The following RGS7 variants were observed in gnomAD, a reference collection of about 807,000 sequenced individuals.
The protein encoded by RGS7 is regulator of G-protein signaling 7.
Under a neutral mutation model 81.1 loss-of-function variants are expected in RGS7, and 27 were observed. The ratio of observed to expected loss-of-function variants is 0.33; its 90% confidence interval spans 0.25 to 0.46. The LOEUF (loss-of-function observed/expected upper bound fraction) is 0.46, where lower values mean the gene tolerates loss of function less well. Among genes scored for constraint, RGS7 ranks in the 20% least tolerant of loss-of-function variants. RGS7 has a pLI of 1.00. For synonymous variants in RGS7, 208 were observed against 207.7 expected, an observed-to-expected ratio of 1.00 and a Z score of -0.01; for missense variants, 396 against 607.4, an observed-to-expected ratio of 0.65 and a Z score of 3.66.
chr1:241,071,474 A>C (rs961294193), intron 3 of RGS7, among the ~76,000 whole-genome samples: 8 of 145,904 alleles, frequency 5.5e-5, no homozygotes, highest in African/African-American at 7.6e-5. Flanking sequence ...ATAAGTAAAA[A>C]TATGTCAGGC....
intron 3 of RGS7, among the ~76,000 whole-genome samples, chr1:241,041,344 G>A (rs2148768226): frequency 6.6e-6 from 1 of 151,994 alleles, no homozygotes; most frequent in South Asian, 2.1e-4. Flanking sequence ...CCATATTTTT[G>A]TCTTCCTTGT....
chr1:241,278,582 C>T (rs899699791), intron 2 of RGS7, among the ~76,000 whole-genome samples: 1 of 152,188 alleles, frequency 6.6e-6, no homozygotes, highest in African/African-American at 2.4e-5. Flanking sequence ...TCCTTCACCA[C>T]AGAGCTCACA....
chr1:240,845,883 G>A (rs1658986272), intron 9 of RGS7, among the ~76,000 whole-genome samples: 1 of 152,202 alleles, frequency 6.6e-6, no homozygotes, highest in African/African-American at 2.4e-5. Context: ...AAATTGACAA[G>A]CTTCTCGATA....
Position 241,292,730 on chromosome 1 carries a change from G to A in RGS7, c.78+62969C>T, listed in dbSNP as rs146284134. 1.7e-3 allele frequency among the ~76,000 whole-genome samples: 258 copies of A among 152,248 alleles called. 1 individual carries two copies. In the East Asian group the frequency reaches 0.019, roughly 11 times the overall value. On this transcript the variant is annotated intron_variant, in intron 2 of 18. Transcript: ENST00000440928. ...CTATGGCCAAGCAGCCTAATCTGTC[G>A]TGAACATTCCTCTTCCCCCCAAAAA...
At chr1:240,966,856 A>G (rs1010875091) in intron 4 of RGS7, among the ~76,000 whole-genome samples, 1 of 152,206 alleles carries the variant, frequency 6.6e-6, no homozygotes, top group African/African-American at 2.4e-5. Context: ...TATATTGTTA[A>G]GTAAAATATG....
intron 9 of RGS7, among the ~76,000 whole-genome samples, chr1:240,827,491 G>A (rs565403085): frequency 6.6e-6 from 1 of 152,324 alleles, no homozygotes; most frequent in Non-Finnish European, 1.5e-5. Flanking sequence ...GACAGACAGA[G>A]TGAGGGCACT....
chr1:241,046,193 G>A (rs1056818217), intron 3 of RGS7, among the ~76,000 whole-genome samples: 1 of 152,104 alleles, frequency 6.6e-6, no homozygotes, highest in Admixed American at 6.6e-5. Flanking sequence ...AGTAGTACAT[G>A]TGCAGGTTTG....
At chr1:241,180,141 G>A (rs540963292) in intron 2 of RGS7, among the ~76,000 whole-genome samples, 3 of 152,250 alleles carry the variant, frequency 2.0e-5, no homozygotes, top group African/African-American at 7.2e-5. Flanking sequence ...TTGGGAAGCC[G>A]AGGCAGGCGG....
intron 2 of RGS7, among the ~76,000 whole-genome samples, chr1:241,171,015 T>C (rs951544333): frequency 6.6e-6 from 1 of 152,152 alleles, no homozygotes; most frequent in Non-Finnish European, 1.5e-5. Flanking sequence ...GAGCTATCAG[T>C]CCTATAAACT....
At position 240,806,299 on chromosome 1, in the gene RGS7, T is replaced by C. The variant is rs138076318; in HGVS notation, c.1110A>G (p.Lys370=). The part of the protein sequence containing the change: ...LRFWLAVEDL[K]KRPIKEVPSR... ...AGGGTACTTCTTTAATAGGCCTCTT[T>C]TTCAGGTCCTCCACTGCCAGCCAGA... The change falls in exon 15 of 19, where the codon AAA becomes AAG. Residue 370 remains lysine (K), a synonymous_variant. Coordinates refer to ENST00000440928, the MANE Select transcript of RGS7 (RefSeq NM_001364886.1). 129 of 1,613,978 alleles carry C rather than the reference T, an allele frequency of 8.0e-5. 1 individual carries two copies. The African/African-American group carries it at 1.3e-3, about 16-fold the overall frequency.
chr1:240,853,900 CAAAAAAAAAAA>C (rs35471716), intron 9 of RGS7, among the ~76,000 whole-genome samples: 7 of 22,242 alleles, frequency 3.1e-4, no homozygotes, highest in Non-Finnish European at 5.3e-4. Flanking sequence ...GACTCCGTCT[CAAAAAAAAAAA>C]AAAAAAAAAA....
Position 240,857,290 on chromosome 1 carries a change from G to A in RGS7, c.609+11297C>T, listed in dbSNP as rs148630284. Among the ~76,000 whole-genome samples the A allele has an allele frequency of 4.0e-3, 603 of 151,998 alleles. 9 individuals are homozygous for A. Among genetic ancestry groups the A allele is most frequent in the African/African-American group, 0.013 (552 of 41,456 alleles). The stretch of plus-strand genomic sequence containing the variant: ...TGAGTACAGAGAACAGAGAATTCCC[G>A]TATGTCCCCTCATCCCACCCCAAAG... On this transcript the variant is annotated intron_variant, in intron 9 of 18. Transcript: ENST00000440928.
rs139518825 is a variant in RGS7 at position 241,235,739 on chromosome 1, T to TTC, written c.78+119958_78+119959dup. 1.8e-3 allele frequency among the ~76,000 whole-genome samples: 267 copies of TTC among 148,708 alleles called. 2 individuals carry two copies. Among genetic ancestry groups the TTC allele is most frequent in the East Asian group, 9.0e-3 (45 of 4,978 alleles). On this transcript the variant is annotated intron_variant, in intron 2 of 18. Transcript: ENST00000440928. ...CTCCCTTCCTTTCCTTTCCTTCTCT[T>TTC]TCTCTCTCTCTCTCTCTCTTCACTC...
chr1:241,053,281 A>G (rs774498512), intron 3 of RGS7, among the ~76,000 whole-genome samples: 2 of 152,182 alleles, frequency 1.3e-5, no homozygotes, highest in Non-Finnish European at 2.9e-5. Context: ...GTTATTCTGA[A>G]CAGACACCCA....
intron 3 of RGS7, among the ~76,000 whole-genome samples, chr1:241,012,818 C>T (rs2059024003): frequency 6.6e-6 from 1 of 152,138 alleles, no homozygotes; most frequent in South Asian, 2.1e-4. Context: ...GACTAAAAGT[C>T]TGGGACTTTT....
At chr1:240,871,710 T>C (rs538111005) in intron 6 of RGS7, among the ~76,000 whole-genome samples, 1 of 152,326 alleles carries the variant, frequency 6.6e-6, no homozygotes, top group Non-Finnish European at 1.5e-5. Context: ...GAATAAAATA[T>C]CTAAAATGTT....
chr1:240,844,425 C>G (rs1265573162), intron 9 of RGS7, among the ~76,000 whole-genome samples: 1 of 152,208 alleles, frequency 6.6e-6, no homozygotes, highest in Non-Finnish European at 1.5e-5. Flanking sequence ...AACCCCTATC[C>G]ACATCCTCAT....
At chr1:241,184,102 C>T (rs1350921286) in intron 2 of RGS7, among the ~76,000 whole-genome samples, 1 of 151,998 alleles carries the variant, frequency 6.6e-6, no homozygotes. Flanking sequence ...AAGCTTATAC[C>T]AGGAAAAGTA....
At chr1:240,954,398 C>T (rs996529807) in intron 4 of RGS7, among the ~76,000 whole-genome samples, 2 of 152,102 alleles carry the variant, frequency 1.3e-5, no homozygotes, top group Admixed American at 6.5e-5. Context: ...TTATACACCA[C>T]AACCAAAGGG....
Sources: allele counts gnomAD v4.1 joint callset (sites outside exome capture counted in the v4.1 genomes callset), GRCh38; gene constraint gnomAD v4.1.1; transcripts MANE v1.5; gene names NCBI Gene and HGNC (gene_info 2026-07-23, HGNC 2026-07-21).